The following BST1 variants were observed in gnomAD, a reference collection of about 807,000 sequenced individuals.
BST1 encodes the protein ADP-ribosyl cyclase/cyclic ADP-ribose hydrolase 2.
BST1 carries 49 observed loss-of-function variants against 40.6 expected under a neutral mutation model. That is an observed-to-expected ratio of 1.21 (90% confidence interval 0.96 to 1.53). The LOEUF is 1.53. BST1 is among the 40% of genes most tolerant of loss of function. BST1 has a pLI of 0.00. For synonymous variants in BST1, 157 were observed against 159.3 expected, an observed-to-expected ratio of 0.99 and a Z score of 0.11; for missense variants, 423 against 395.9, an observed-to-expected ratio of 1.07 and a Z score of -0.58.
chr4:15,715,239 A>G, intron 4 of BST1, 46 bp from the exon 5 acceptor site: 1 of 1,566,240 alleles, frequency 6.4e-7, no homozygotes. Flanking sequence ...CATAGCAGAA[A>G]AATGTCACGT....
intron 8 of BST1, 96 bp from the exon 9 acceptor site, chr4:15,731,644 C>A: frequency 6.8e-7 from 1 of 1,466,844 alleles, no homozygotes; most frequent in South Asian, 1.2e-5. Context: ...TCGCTCCGCG[C>A]TAACCAGAAA....
At chr4:15,758,841 C>T in the BST1 span, among the ~76,000 whole-genome samples, 2 of 150,248 alleles carry the variant, frequency 1.3e-5, no homozygotes, top group East Asian at 1.9e-4. Flanking sequence ...AAGTATTTGG[C>T]GTCAATGCCT....
At chr4:15,707,716 A>G in intron 3 of BST1, 70 bp downstream of exon 3, 1 of 1,551,538 alleles carries the variant, frequency 6.4e-7, no homozygotes, top group Non-Finnish European at 8.8e-7. Context: ...TTTGTGCTAA[A>G]TGCTTTCATA....
At chr4:15,750,186 A>T in the BST1 span, among the ~76,000 whole-genome samples, 3 of 152,054 alleles carry the variant, frequency 2.0e-5, no homozygotes, top group African/African-American at 7.2e-5. Flanking sequence ...CACTATGCCC[A>T]GCTAATTTTT....
chr4:15,705,018 T>C, intron 1 of BST1: 2 of 737,532 alleles, frequency 2.7e-6, no homozygotes, highest in Non-Finnish European at 5.1e-6. Context: ...AAAACTAGCA[T>C]GGACCTCAAG....
At chr4:15,722,592 A>AT (rs1012036868) in intron 7 of BST1, among the ~76,000 whole-genome samples, 5,427 of 120,306 alleles carry the variant, frequency 0.045, 499 homozygotes, top group African/African-American at 0.15. Flanking sequence ...TAATTTTTAG[A>AT]TTTTTTTTTT....
At chr4:15,751,656 T>C in the BST1 span, among the ~76,000 whole-genome samples, 1 of 151,936 alleles carries the variant, frequency 6.6e-6, no homozygotes. Context: ...TGTATATCTA[T>C]AGATCTATAT....
chr4:15,764,534 T>G, the BST1 span, among the ~76,000 whole-genome samples: 2 of 152,180 alleles, frequency 1.3e-5, no homozygotes, highest in South Asian at 2.1e-4. Context: ...GTTGGTGTTC[T>G]GGGTGTTTGA....
chr4:15,772,450 C>A, the BST1 span, among the ~76,000 whole-genome samples: 3 of 152,176 alleles, frequency 2.0e-5, no homozygotes, highest in Admixed American at 6.5e-5. Flanking sequence ...GTTTGTTCAA[C>A]CAGCATTTAT....
At chr4:15,703,457 G>C in intron 1 of BST1, 125 bp downstream of exon 1, 13 of 1,398,540 alleles carry the variant, frequency 9.3e-6, no homozygotes, top group Non-Finnish European at 8.4e-6. Flanking sequence ...GAGGGGAGAG[G>C]TGAGTGTGGA....
At chr4:15,743,670 C>A in the BST1 span, 1 of 180,806 alleles carries the variant, frequency 5.5e-6, no homozygotes, top group African/African-American at 2.4e-5. Flanking sequence ...AGTCTGTCTT[C>A]TGCCCTAATG....
chr4:15,720,390 G>T (rs990146899), intron 7 of BST1, among the ~76,000 whole-genome samples: 13 of 152,028 alleles, frequency 8.6e-5, no homozygotes, highest in Non-Finnish European at 1.9e-4. Context: ...AGGCCGAGGC[G>T]GGCGGATAAC....
chr4:15,707,144 A>T (rs73115627), intron 2 of BST1, among the ~76,000 whole-genome samples: 12,490 of 152,222 alleles, frequency 0.082, 1,118 homozygotes, highest in East Asian at 0.21. Context: ...AGAAGTAGAA[A>T]CTGAGAAACA....
rs778970033 is a variant in BST1, at chr4:15,731,196, C to G, written c.852-544C>G. On this transcript the variant is annotated intron_variant, in intron 8 of 8. Coordinates refer to ENST00000265016, the MANE Select transcript of BST1 (RefSeq NM_004334.3). ...ACTTCATCTCATCCACTTTGGCCAC[C>G]ATGTTTTCCTTGTGTGTGAGCAGGG... 10 of 438,184 alleles carry G rather than the reference C, an allele frequency of 2.3e-5. No individual in the cohort carries two copies. The East Asian group carries it at 4.9e-4, about 22-fold the overall frequency. 27.1% of individuals were successfully genotyped at this position (438,184 alleles called of 1,614,324 possible). A position where few individuals can be genotyped will look rare whatever the true frequency, so the allele number is the denominator to read the frequency against.
downstream of BST1, among the ~76,000 whole-genome samples, chr4:15,739,787 G>C (rs6856311): frequency 0.047 from 7,081 of 152,144 alleles, 524 homozygotes; most frequent in African/African-American, 0.16. Context: ...GTAAAAAGAT[G>C]TGTACAGAAA....
At chr4:15,770,256 G>A in the BST1 span, among the ~76,000 whole-genome samples, 1 of 152,156 alleles carries the variant, frequency 6.6e-6, no homozygotes, top group Non-Finnish European at 1.5e-5. Flanking sequence ...AACCAGCTGT[G>A]TGGCCTGGAG....
At chr4:15,761,033 T>G in the BST1 span, among the ~76,000 whole-genome samples, 1 of 150,150 alleles carries the variant, frequency 6.7e-6, no homozygotes. Flanking sequence ...TATAGTTTTT[T>G]TGTTTTGTTT....
At chr4:15,728,753 C>T in intron 8 of BST1, among the ~76,000 whole-genome samples, 1 of 149,080 alleles carries the variant, frequency 6.7e-6, no homozygotes. Context: ...TCAAGTGATT[C>T]TCCTGCCTCA....
At chr4:15,773,710 C>T in the BST1 span, among the ~76,000 whole-genome samples, 2 of 152,172 alleles carry the variant, frequency 1.3e-5, no homozygotes, top group African/African-American at 4.8e-5. Flanking sequence ...GCAGGAGGAT[C>T]GCTTGAGCCC....
Sources: allele counts gnomAD v4.1 joint callset (sites outside exome capture counted in the v4.1 genomes callset), GRCh38; gene constraint gnomAD v4.1.1; transcripts MANE v1.5; gene names NCBI Gene and HGNC (gene_info 2026-07-23, HGNC 2026-07-21).